The following PTPRT variants were observed in gnomAD, a reference collection of about 807,000 sequenced individuals.
PTPRT encodes the protein protein tyrosine phosphatase receptor type T.
Under a neutral mutation model 176.8 loss-of-function variants are expected in PTPRT, and 56 were observed. The observed-to-expected ratio is 0.32, with a 90% CI of 0.26 to 0.40. PTPRT has a LOEUF of 0.40. Among genes scored for constraint, PTPRT ranks in the 10% least tolerant of loss-of-function variants. The probability of loss-of-function intolerance (pLI) is 1.00; values close to 1 mark genes in which losing one functional copy is unlikely to be tolerated. For synonymous variants in PTPRT, 783 were observed against 739.0 expected (o/e 1.06, Z -0.96); for missense variants, 1,540 against 1,908.2 (o/e 0.81, Z 3.60).
At chr20:42,103,195 G>A (rs1215993505) in intron 25 of PTPRT, among the ~76,000 whole-genome samples, 1 of 152,170 alleles carries the variant, frequency 6.6e-6, no homozygotes, top group Non-Finnish European at 1.5e-5. Context: ...ATCTTACTTA[G>A]TGATTCATGT....
chr20:42,487,522 G>A lies in PTPRT; in HGVS notation c.1154-14960C>T, dbSNP rs139310036. Reference sequence around the variant, plus strand: ...ACGTGATTAAGGATCTTGAACTGGGGATATGATCCTGGATTATCCGGGTGG... The same window carrying A: ...ACGTGATTAAGGATCTTGAACTGGGAATATGATCCTGGATTATCCGGGTGG... On this transcript the variant is annotated intron_variant, in intron 7 of 30. Coordinates refer to ENST00000373187, the MANE Select transcript of PTPRT (RefSeq NM_007050.6). Among the ~76,000 whole-genome samples, 608 of 152,282 alleles carry A rather than the reference G, an allele frequency of 4.0e-3. 4 individuals carry two copies. Among genetic ancestry groups the A allele is most frequent in the African/African-American group, 0.014 (589 of 41,560 alleles).
intron 1 of PTPRT, among the ~76,000 whole-genome samples, chr20:43,123,926 CA>C (rs1299203998): frequency 5.3e-5 from 8 of 152,174 alleles, no homozygotes; most frequent in Admixed American, 5.2e-4. Flanking sequence ...TTGTGAGACA[CA>C]AATATTACCT....
chr20:42,169,387 A>AC (rs1167697854), intron 16 of PTPRT, among the ~76,000 whole-genome samples: 1 of 152,000 alleles, frequency 6.6e-6, no homozygotes, highest in Non-Finnish European at 1.5e-5. Context: ...CAGCACTCAC[A>AC]CCAGATGGAA....
At chr20:43,119,361 T>C (rs118147335) in intron 1 of PTPRT, among the ~76,000 whole-genome samples, 5,544 of 152,336 alleles carry the variant, frequency 0.036, 152 homozygotes, top group Non-Finnish European at 0.057. Flanking sequence ...CTGATAAGTA[T>C]GTCTTTAAAA....
At chr20:42,824,683 C>A (rs2077962655) in intron 2 of PTPRT, among the ~76,000 whole-genome samples, 1 of 151,758 alleles carries the variant, frequency 6.6e-6, no homozygotes, top group Non-Finnish European at 1.5e-5. Context: ...AAAATCAAAT[C>A]ATTAAAATCT....
intron 7 of PTPRT, among the ~76,000 whole-genome samples, chr20:42,662,721 T>A (rs2075245412): frequency 6.6e-6 from 1 of 152,278 alleles, no homozygotes; most frequent in South Asian, 2.1e-4. Context: ...ACCCCCTATT[T>A]AACTGTCCCT....
intron 1 of PTPRT, among the ~76,000 whole-genome samples, chr20:43,154,070 T>C (rs951962923): frequency 1.3e-5 from 2 of 152,220 alleles, no homozygotes; most frequent in Non-Finnish European, 1.5e-5. Flanking sequence ...AATACTGTCC[T>C]TACAGGTGAG....
At chr20:42,428,677 A>C (rs1260744992) in intron 9 of PTPRT, among the ~76,000 whole-genome samples, 2 of 152,184 alleles carry the variant, frequency 1.3e-5, no homozygotes, top group Admixed American at 1.3e-4. Context: ...GTTCAGGTTG[A>C]ATGGAATTTG....
At chr20:42,391,874 T>C (rs1176526562) in intron 9 of PTPRT, among the ~76,000 whole-genome samples, 1 of 152,186 alleles carries the variant, frequency 6.6e-6, no homozygotes, top group African/African-American at 2.4e-5. Flanking sequence ...AGCAAGTTAA[T>C]CATTGATGAT....
At chr20:43,098,143 G>A (rs1273842126) in intron 1 of PTPRT, among the ~76,000 whole-genome samples, 1 of 152,160 alleles carries the variant, frequency 6.6e-6, no homozygotes, top group Non-Finnish European at 1.5e-5. Flanking sequence ...GAAGCTCCAA[G>A]GGGACTGATG....
chr20:43,104,933 T>A (rs574505008), intron 1 of PTPRT, among the ~76,000 whole-genome samples: 54 of 152,290 alleles, frequency 3.5e-4, no homozygotes, highest in African/African-American at 1.3e-3. Context: ...TATCCTACAA[T>A]TGTTTCTCAC....
At chr20:42,768,420 T>C (rs567812025) in intron 5 of PTPRT, among the ~76,000 whole-genome samples, 20 of 151,782 alleles carry the variant, frequency 1.3e-4, no homozygotes, top group South Asian at 2.1e-4. Flanking sequence ...GTGGGGAACA[T>C]TGTTCATTGC....
intron 2 of PTPRT, among the ~76,000 whole-genome samples, chr20:42,852,309 T>C (rs796112049): frequency 2.0e-5 from 3 of 152,340 alleles, no homozygotes; most frequent in African/African-American, 7.2e-5. Context: ...TTCTTTTATG[T>C]GCCTCTGTGT....
intron 6 of PTPRT, among the ~76,000 whole-genome samples, chr20:42,733,138 C>G (rs1220236407): frequency 1.3e-5 from 2 of 152,198 alleles, no homozygotes; most frequent in Admixed American, 6.5e-5. Flanking sequence ...GCAACTCCCT[C>G]TCTAGACATG....
At chr20:42,940,675 G>A (rs1980484707) in intron 1 of PTPRT, among the ~76,000 whole-genome samples, 1 of 152,162 alleles carries the variant, frequency 6.6e-6, no homozygotes, top group African/African-American at 2.4e-5. Context: ...ACCAGAACAT[G>A]ATGTGCATCT....
At chr20:43,040,079 GAGA>G (rs1207687697) in intron 1 of PTPRT, among the ~76,000 whole-genome samples, 7 of 151,524 alleles carry the variant, frequency 4.6e-5, no homozygotes, top group Non-Finnish European at 8.8e-5. Context: ...AAGGAAGAAA[GAGA>G]AGAAGAAAAC....
chr20:42,787,378 A>G (rs1051873565), intron 3 of PTPRT, among the ~76,000 whole-genome samples: 1 of 152,214 alleles, frequency 6.6e-6, no homozygotes, highest in Non-Finnish European at 1.5e-5. Context: ...GTGGTCATCC[A>G]ACAAAAAGAG....
intron 1 of PTPRT, among the ~76,000 whole-genome samples, chr20:42,921,774 G>A (rs1979161939): frequency 6.6e-6 from 1 of 152,066 alleles, no homozygotes; most frequent in African/African-American, 2.4e-5. Flanking sequence ...GCTGCCACTG[G>A]GACAGTGAAA....
In PTPRT at chr20:42,128,460, T is replaced by C. The variant is rs146862507; in HGVS notation, c.2847+294A>G. 3.3e-4 allele frequency among the ~76,000 whole-genome samples: 51 copies of C among 152,246 alleles called. 1 individual carries two copies. The East Asian group carries it at 7.7e-3, about 23-fold the overall frequency. The stretch of plus-strand genomic sequence containing the variant: ...AAAATTTTTGTGGCATAAATGGCCA[T>C]GCGTTTATGTGAATGAATGAATGGA... On this transcript the variant is annotated intron_variant, in intron 19 of 30. Coordinates refer to ENST00000373187, the MANE Select transcript of PTPRT (RefSeq NM_007050.6).
Sources: allele counts gnomAD v4.1 joint callset (sites outside exome capture counted in the v4.1 genomes callset), GRCh38; gene constraint gnomAD v4.1.1; transcripts MANE v1.5; gene names NCBI Gene and HGNC (gene_info 2026-07-23, HGNC 2026-07-21).